SLC25A13: variants seen among roughly 807,000 people sequenced by gnomAD.
SLC25A13 encodes the protein electrogenic aspartate/glutamate antiporter SLC25A13, mitochondrial.
A neutral mutation model predicts 85.5 loss-of-function variants in SLC25A13; 70 were observed. That is an observed-to-expected ratio of 0.82 (90% CI 0.68 to 1.00). The LOEUF is 1.00. SLC25A13 is among the 50% of genes least tolerant of loss of function. SLC25A13 has a pLI of 0.00. For missense variants in SLC25A13, 765 were observed against 819.8 expected (o/e 0.93, Z 0.82); for synonymous variants, 259 against 288.7 (o/e 0.90, Z 1.04).
At chr7:96,159,566 T>C (rs901830887) in intron 13 of SLC25A13, among the ~76,000 whole-genome samples, 1 of 152,184 alleles carries the variant, frequency 6.6e-6, no homozygotes, top group Non-Finnish European at 1.5e-5. Flanking sequence ...GGACTTCCAG[T>C]CTCTGTTGTT....
At chr7:96,168,533 C>T (rs866241836) in intron 13 of SLC25A13, among the ~76,000 whole-genome samples, 12 of 152,272 alleles carry the variant, frequency 7.9e-5, no homozygotes, top group Middle Eastern at 3.4e-3. Flanking sequence ...CTACAGATGG[C>T]ACCTAGAAAA....
chr7:96,131,690 A>C, intron 15 of SLC25A13, 53 bp downstream of exon 15: 1 of 1,611,734 alleles, frequency 6.2e-7, no homozygotes, highest in East Asian at 2.2e-5. Context: ...GCAGCTAGGG[A>C]AGGGGGGCAG....
At chr7:96,252,546 T>C (rs1797473276) in intron 3 of SLC25A13, among the ~76,000 whole-genome samples, 1 of 152,056 alleles carries the variant, frequency 6.6e-6, no homozygotes, top group African/African-American at 2.4e-5. Context: ...ATGAAGTATT[T>C]AGCACCATGA....
At chr7:96,257,931 G>GT (rs758739622) in intron 3 of SLC25A13, among the ~76,000 whole-genome samples, 1 of 152,034 alleles carries the variant, frequency 6.6e-6, no homozygotes, top group Non-Finnish European at 1.5e-5. Context: ...ATCAATAAAC[G>GT]TAATTCATCA....
intron 9 of SLC25A13, among the ~76,000 whole-genome samples, chr7:96,187,559 C>T (rs1035719329): frequency 6.6e-6 from 1 of 152,082 alleles, no homozygotes; most frequent in Non-Finnish European, 1.5e-5. Flanking sequence ...ATATGCAATA[C>T]TTAGAAATGT....
Position 96,193,187 on chromosome 7 carries a change from C to T in SLC25A13, c.469-4G>A. On this transcript the variant is annotated splice_polypyrimidine_tract_variant and splice_region_variant and intron_variant, in intron 5 of 17. Coordinates refer to ENST00000265631, the MANE Select transcript of SLC25A13 (RefSeq NM_014251.3). ...TTGCGTGCTCCAGTTGTATTTCCTA[C>T]AAATAAAGAAAGTAAAATACTTAAT... is the stretch of plus-strand genomic sequence containing the variant. 1 of 1,613,918 alleles carries T rather than the reference C, an allele frequency of 6.2e-7. No individual in the cohort carries two copies. The highest frequency in any genetic ancestry group is 1.1e-5 in the South Asian group (1 of 91,072).
Position 96,165,613 on chromosome 7 carries a change from A to T in SLC25A13, c.1311+4432T>A, listed in dbSNP as rs373323202. On this transcript the variant is annotated intron_variant, in intron 13 of 17. Transcript: ENST00000265631. ...TCTGGGAATCATATGAGGTGTTCCT[A>T]GAGCACTGGGTTAGGATGAGGCATT... 1.0e-4 allele frequency among the ~76,000 whole-genome samples: 16 copies of T among 152,382 alleles called. No individual in the cohort carries two copies. The East Asian group carries it at 2.3e-3, about 22-fold the overall frequency.
At chr7:96,210,159 A>T (rs972226113) in intron 4 of SLC25A13, among the ~76,000 whole-genome samples, 1 of 152,156 alleles carries the variant, frequency 6.6e-6, no homozygotes, top group Non-Finnish European at 1.5e-5. Context: ...CACCATTAGC[A>T]TAAGGTTAGG....
chr7:96,307,568 T>A (rs1339131012), intron 1 of SLC25A13, among the ~76,000 whole-genome samples: 2 of 150,090 alleles, frequency 1.3e-5, no homozygotes, highest in Non-Finnish European at 3.0e-5. Flanking sequence ...AAACAAAAAT[T>A]TAATTAAAAA....
chr7:96,319,413 G>A (rs918166316), intron 1 of SLC25A13, among the ~76,000 whole-genome samples: 3 of 151,822 alleles, frequency 2.0e-5, no homozygotes, highest in South Asian at 2.1e-4. Flanking sequence ...GTGGTGGCAC[G>A]TGCCTGTAGT....
chr7:96,249,259 C>T (rs1584510899), intron 3 of SLC25A13, among the ~76,000 whole-genome samples: 1 of 152,222 alleles, frequency 6.6e-6, no homozygotes, highest in Non-Finnish European at 1.5e-5. Context: ...CCTCTATTCC[C>T]AATACAGATT....
At chr7:96,237,770 G>A (rs1468392738) in intron 3 of SLC25A13, among the ~76,000 whole-genome samples, 1 of 152,162 alleles carries the variant, frequency 6.6e-6, no homozygotes, top group African/African-American at 2.4e-5. Flanking sequence ...CAAGGCCAAG[G>A]AAACAGGCCA....
rs144258141 is a variant in SLC25A13, at chr7:96,236,220, T to C, written c.213-1303A>G. ...TCATTAACCATCCAAAACACATGCT[T>C]CTCAATGCCTGGGAACACTCAGGAA... On this transcript the variant is annotated intron_variant, in intron 3 of 17. Transcript: ENST00000265631. 1.7e-3 allele frequency among the ~76,000 whole-genome samples: 253 copies of C among 152,134 alleles called. 3 individuals carry two copies. The highest frequency in any genetic ancestry group is 5.9e-3 in the African/African-American group (244 of 41,510).
intron 13 of SLC25A13, among the ~76,000 whole-genome samples, chr7:96,151,552 G>C (rs1378824194): frequency 1.3e-5 from 2 of 151,764 alleles, no homozygotes; most frequent in Non-Finnish European, 1.5e-5. Context: ...AGCCAGGATC[G>C]TGCCACTGCA....
chr7:96,194,056 G>T (rs772927997), intron 5 of SLC25A13, among the ~76,000 whole-genome samples: 5 of 152,156 alleles, frequency 3.3e-5, no homozygotes, highest in Non-Finnish European at 7.3e-5. Context: ...TCCTCCTGCA[G>T]AGAGCATTTT....
At chr7:96,183,316 T>C (rs930349457) in intron 11 of SLC25A13, among the ~76,000 whole-genome samples, 2 of 152,096 alleles carry the variant, frequency 1.3e-5, no homozygotes, top group African/African-American at 4.8e-5. Flanking sequence ...ACTGGGGTAA[T>C]TAATTTGAAG....
chr7:96,143,973 G>A (rs1451902345), intron 14 of SLC25A13, among the ~76,000 whole-genome samples: 16 of 152,110 alleles, frequency 1.1e-4, no homozygotes, highest in Admixed American at 1.0e-3. Flanking sequence ...ACACATACCA[G>A]GTTTAAAAGT....
intron 1 of SLC25A13, among the ~76,000 whole-genome samples, chr7:96,297,722 G>T (rs755931326): frequency 5.3e-5 from 8 of 152,102 alleles, no homozygotes; most frequent in Non-Finnish European, 1.0e-4. Flanking sequence ...CCATGAACAG[G>T]CATGTATACC....
chr7:96,314,972 A>G (rs1800077679), intron 1 of SLC25A13, among the ~76,000 whole-genome samples: 1 of 152,172 alleles, frequency 6.6e-6, no homozygotes, highest in Non-Finnish European at 1.5e-5. Flanking sequence ...CTCTGAGACC[A>G]GGTTTGCTCT....
Sources: gnomAD v4.1 joint callset for allele counts (sites outside exome capture counted in the v4.1 genomes callset) on GRCh38, gnomAD v4.1.1 for gene constraint, MANE v1.5 for transcripts, NCBI Gene and HGNC (gene_info 2026-07-23, HGNC 2026-07-21) for gene names.